SLFN12L: variants seen among roughly 807,000 people sequenced by gnomAD.
The protein encoded by SLFN12L is schlafen family member 12 like.
Under a neutral mutation model 34.8 loss-of-function variants are expected in SLFN12L, and 34 were observed. The ratio of observed to expected loss-of-function variants is 0.98; its 90% CI spans 0.74 to 1.30. The LOEUF (loss-of-function observed/expected upper bound fraction) is 1.30, where lower values mean the gene tolerates loss of function less well. Among genes scored for constraint, SLFN12L ranks in the 50% most tolerant of loss-of-function variants. The pLI is 0.00. For missense variants in SLFN12L, 703 were observed against 696.2 expected, an observed-to-expected ratio of 1.01 and a Z score of -0.11; for synonymous variants, 259 against 247.5, an observed-to-expected ratio of 1.05 and a Z score of -0.44.
intron 1 of SLFN12L, among the ~76,000 whole-genome samples, chr17:35,526,306 G>A (rs1353751280): frequency 1.3e-5 from 2 of 152,182 alleles, no homozygotes; most frequent in Non-Finnish European, 2.9e-5. Flanking sequence ...CAACGAGACA[G>A]AAAATTAACA....
rs182465538 is a variant in SLFN12L, at chr17:35,469,884, C to T, written c.*5039G>A. On this transcript the variant is annotated 3_prime_UTR_variant, in exon 5 of 5. Transcript: ENST00000628453. Reference sequence around the variant, plus strand: ...AAACTATTGAGTCCTAAGCTGTTCCCCCTGCCCAGCTGGACCTTTCCCACA... The same window carrying T: ...AAACTATTGAGTCCTAAGCTGTTCCTCCTGCCCAGCTGGACCTTTCCCACA... 2.6e-5 allele frequency among the ~76,000 whole-genome samples: 4 copies of T among 152,256 alleles called. No homozygotes were observed. The highest frequency in any genetic ancestry group is 9.6e-5 in the African/African-American group (4 of 41,542).
At chr17:35,510,089 T>C (rs1597867403) in intron 2 of SLFN12L, 1 of 152,170 alleles carries the variant, frequency 6.6e-6, no homozygotes, top group South Asian at 2.1e-4. Flanking sequence ...CATGGATTAA[T>C]GAGATGATAG....
In SLFN12L at chr17:35,464,642, A is replaced by G. The variant is rs1913693237; in HGVS notation, c.*10281T>C. On this transcript the variant is annotated 3_prime_UTR_variant, in exon 5 of 5. Coordinates refer to ENST00000628453, the MANE Select transcript of SLFN12L (RefSeq NM_001363830.2). ...GTGTAGTAGCCCATGGTGTATATGTACCACATTTTCTTTATCTAATCTGTC... is the reference window on the plus strand; with the variant it reads ...GTGTAGTAGCCCATGGTGTATATGTGCCACATTTTCTTTATCTAATCTGTC... The G allele has an allele frequency of 6.6e-6, 1 of 152,112 alleles. No homozygotes were observed. The highest frequency in any genetic ancestry group is 1.5e-5 in the Non-Finnish European group (1 of 68,014). The allele number at this position is 152,112 out of a possible 1,614,324, so 9.4% of individuals were successfully genotyped here. A position where few individuals can be genotyped will look rare whatever the true frequency, so the allele number is the denominator to read the frequency against.
At chr17:35,524,537 A>G (rs1459887397) in intron 1 of SLFN12L, among the ~76,000 whole-genome samples, 1 of 152,248 alleles carries the variant, frequency 6.6e-6, no homozygotes, top group Non-Finnish European at 1.5e-5. Flanking sequence ...AACAGGCAGC[A>G]ATCTTTGCTG....
chr17:35,516,655 A>G (rs984457377), intron 2 of SLFN12L, among the ~76,000 whole-genome samples: 20 of 151,486 alleles, frequency 1.3e-4, no homozygotes, highest in Non-Finnish European at 2.4e-4. Flanking sequence ...AAAATCCACC[A>G]CCCCCTCCAC....
rs754878618 is a variant in SLFN12L at position 35,479,457 on chromosome 17, A to C, written c.825T>G (p.Asp275Glu). ...TTAGACCAACGAATAAATATCCTCC[A>C]TCAGTATTTGCAAATGCAGAAACAT... ...PQYVSAFANT[D>E]GGYLFVGLNE... Residue 275 changes from aspartate to glutamate, a missense_variant, in exon 3 of 5, where the codon GAT becomes GAG. Coordinates refer to ENST00000628453, the MANE Select transcript of SLFN12L (RefSeq NM_001363830.2). 1.4e-5 allele frequency: 23 copies of C among 1,614,058 alleles called. No homozygotes were observed. The highest frequency in any genetic ancestry group is 1.9e-5 in the Non-Finnish European group (22 of 1,180,026).
chr17:35,530,108 C>T (rs909194752), intron 1 of SLFN12L, among the ~76,000 whole-genome samples: 4 of 142,744 alleles, frequency 2.8e-5, no homozygotes, highest in African/African-American at 1.0e-4. Flanking sequence ...TCCTGGGTGA[C>T]TGCTTTGTCT....
At chr17:35,506,257 A>G (rs1432390949) in intron 2 of SLFN12L, among the ~76,000 whole-genome samples, 2 of 152,236 alleles carry the variant, frequency 1.3e-5, no homozygotes, top group East Asian at 3.8e-4. Flanking sequence ...AGTTAGAAAC[A>G]TGATGTGGTT....
intron 1 of SLFN12L, among the ~76,000 whole-genome samples, chr17:35,527,208 G>T (rs1020656341): frequency 1.3e-5 from 2 of 152,124 alleles, no homozygotes; most frequent in Admixed American, 1.3e-4. Context: ...TGAAATTGAG[G>T]CAGTAATTAA....
chr17:35,480,124 T>C lies in SLFN12L; in HGVS notation c.158A>G (p.Tyr53Cys), dbSNP rs757209191. The C allele has an allele frequency of 2.0e-5, 32 of 1,613,732 alleles. No individual in the cohort carries two copies. Among genetic ancestry groups the C allele is most frequent in the Non-Finnish European group, 2.7e-5 (32 of 1,179,924 alleles). ...MNISIDLDTN[Y>C]AELVLNVGRV... ...TCCCACATTTAGAACCAGCTCAGCA[T>C]AGTTTGTGTCTAAATCAATACTGAT... Residue 53 changes from tyrosine (Y) to cysteine (C), a missense_variant, in exon 3 of 5, where the codon TAT becomes TGT. Coordinates refer to ENST00000628453, the MANE Select transcript of SLFN12L (RefSeq NM_001363830.2).
intron 2 of SLFN12L, among the ~76,000 whole-genome samples, chr17:35,508,170 G>A (rs369631247): frequency 5.3e-5 from 8 of 152,154 alleles, no homozygotes; most frequent in Admixed American, 2.0e-4. Context: ...GTCATGTACC[G>A]CCTGCTTGCT....
At chr17:35,520,637 C>A (rs982843857) in intron 2 of SLFN12L, among the ~76,000 whole-genome samples, 4 of 151,802 alleles carry the variant, frequency 2.6e-5, no homozygotes, top group African/African-American at 9.7e-5. Flanking sequence ...CCCAGCTACT[C>A]GGGAGGTTGA....
At chr17:35,527,784 A>G (rs965195598) in intron 1 of SLFN12L, among the ~76,000 whole-genome samples, 5 of 152,200 alleles carry the variant, frequency 3.3e-5, no homozygotes, top group African/African-American at 1.2e-4. Flanking sequence ...TCCCTTTGAA[A>G]ACCAGCACAA....
At chr17:35,490,241 A>G (rs1298157622) in intron 2 of SLFN12L, 36 of 1,551,680 alleles carry the variant, frequency 2.3e-5, no homozygotes, top group Non-Finnish European at 3.2e-5. Flanking sequence ...GCTAGGAGAA[A>G]GCGGTCATCA....
chr17:35,503,729 TAA>T (rs1915376565), intron 2 of SLFN12L, among the ~76,000 whole-genome samples: 2 of 152,036 alleles, frequency 1.3e-5, no homozygotes, highest in South Asian at 2.1e-4. Flanking sequence ...CCCTCAAAAC[TAA>T]AAGTCTTTTA....
In SLFN12L at chr17:35,513,417, C is replaced by A. The variant is rs80246706; in HGVS notation, c.86+8862G>T. On this transcript the variant is annotated intron_variant, in intron 2 of 4. Coordinates refer to ENST00000628453, the MANE Select transcript of SLFN12L (RefSeq NM_001363830.2). ...ACTTAAAAAGAGTTTGTAAGTAAAC[C>A]AAAATGAAATGCCTAGTACATAGGA... Among the ~76,000 whole-genome samples, 1,236 of 152,094 alleles carry A rather than the reference C, an allele frequency of 8.1e-3. 12 individuals carry two copies. The highest frequency in any genetic ancestry group is 0.033 in the South Asian group (159 of 4,818).
At chr17:35,476,454 C>CAAGGAAGGAAGGAAGGAAGG (rs59968985) in intron 4 of SLFN12L, among the ~76,000 whole-genome samples, 49 of 105,616 alleles carry the variant, frequency 4.6e-4, no homozygotes, top group African/African-American at 1.6e-3. Context: ...GAAAAGAAAG[C>CAAGGAAGGAAGGAAGGAAGG]AAGGAAGGAA....
intron 1 of SLFN12L, among the ~76,000 whole-genome samples, chr17:35,526,864 A>G (rs939836084): frequency 6.6e-6 from 1 of 152,236 alleles, no homozygotes; most frequent in African/African-American, 2.4e-5. Flanking sequence ...AGATCAGAGC[A>G]TAAATGAAGG....
chr17:35,505,364 G>A (rs559013947), intron 2 of SLFN12L, among the ~76,000 whole-genome samples: 1 of 152,322 alleles, frequency 6.6e-6, no homozygotes, highest in East Asian at 1.9e-4. Flanking sequence ...TCTAGATGGA[G>A]TTTCTAAGAG....
Sources: gnomAD v4.1 joint callset for allele counts (sites outside exome capture counted in the v4.1 genomes callset) on GRCh38, gnomAD v4.1.1 for gene constraint, MANE v1.5 for transcripts, NCBI Gene and HGNC (gene_info 2026-07-23, HGNC 2026-07-21) for gene names.